KMT2C: variants seen among roughly 807,000 people sequenced by gnomAD.
KMT2C encodes the protein histone-lysine N-methyltransferase 2C.
KMT2C carries 88 observed loss-of-function variants against 507.9 expected under a neutral mutation model. The observed-to-expected ratio is 0.17, with a 90% confidence interval of 0.15 to 0.21. The LOEUF (loss-of-function observed/expected upper bound fraction) is 0.21, where lower values mean the gene tolerates loss of function less well. Among genes scored for constraint, KMT2C ranks in the 10% least tolerant of loss-of-function variants. KMT2C has a pLI of 1.00. For synonymous variants in KMT2C, 2,049 were observed against 2,080.8 expected (o/e 0.98, Z 0.42); for missense variants, 4,954 against 5,957.8 (o/e 0.83, Z 5.55).
intron 1 of KMT2C, among the ~76,000 whole-genome samples, chr7:152,433,096 C>CTCT (rs1428750035): frequency 6.7e-6 from 1 of 149,448 alleles, no homozygotes; most frequent in Non-Finnish European, 1.5e-5. Flanking sequence ...TGCGGTGAGC[C>CTCT]GAGATCATAC....
intron 1 of KMT2C, among the ~76,000 whole-genome samples, chr7:152,416,678 C>G (rs1380764111): frequency 6.7e-6 from 1 of 149,248 alleles, no homozygotes; most frequent in Non-Finnish European, 1.5e-5. Flanking sequence ...AAGCGGAGAT[C>G]ATGCCACTGC....
At chr7:152,150,073 T>C (rs1028139509) in intron 51 of KMT2C, among the ~76,000 whole-genome samples, 4 of 152,164 alleles carry the variant, frequency 2.6e-5, no homozygotes, top group African/African-American at 9.7e-5. Flanking sequence ...ACCAGAGCAA[T>C]AACCTGGATG....
intron 39 of KMT2C, among the ~76,000 whole-genome samples, chr7:152,171,587 T>C (rs751198709): frequency 6.6e-6 from 1 of 152,198 alleles, no homozygotes; most frequent in African/African-American, 2.4e-5. Flanking sequence ...TTCAGAGATA[T>C]TCCGTAACCT....
At chr7:152,231,250 A>T (rs1215959961) in intron 16 of KMT2C, among the ~76,000 whole-genome samples, 1 of 152,244 alleles carries the variant, frequency 6.6e-6, no homozygotes, top group Non-Finnish European at 1.5e-5. Context: ...TGACTAAATC[A>T]ACTAAGTACC....
At chr7:152,434,164 G>A (rs1275004576) in intron 1 of KMT2C, among the ~76,000 whole-genome samples, 1 of 152,082 alleles carries the variant, frequency 6.6e-6, no homozygotes, top group African/African-American at 2.4e-5. Context: ...ACAGAATAAG[G>A]GCATTTTATA....
chr7:152,402,946 T>A (rs943743322), intron 1 of KMT2C: 73 of 148,904 alleles, frequency 4.9e-4, no homozygotes, highest in Non-Finnish European at 7.3e-4. Context: ...CAAAGGACAT[T>A]AATAGACATT....
intron 23 of KMT2C, among the ~76,000 whole-genome samples, chr7:152,211,333 A>C (rs2094449192): frequency 6.6e-6 from 1 of 152,240 alleles, no homozygotes; most frequent in African/African-American, 2.4e-5. Flanking sequence ...TACCTTCCAC[A>C]CATTCTCTGT....
chr7:152,204,404 G>A (rs1420636815), intron 25 of KMT2C, among the ~76,000 whole-genome samples: 2 of 152,110 alleles, frequency 1.3e-5, no homozygotes, highest in African/African-American at 4.8e-5. Context: ...AGGCCAGCCT[G>A]GGCAACAAAG....
rs2129112615 is a variant in KMT2C, at chr7:152,176,214, G to A, written c.9239C>T (p.Ser3080Leu). Residue 3080 changes from serine to leucine, a missense_variant, in exon 38 of 59, where the codon TCA becomes TTA. This residue lies in a region of KMT2C where 1,689 missense variants were observed against 1,654.3 expected (regional missense o/e 1.02). Transcript: ENST00000262189. ...RQMQAMIRQR[S>L]EPFFPNIDFD... ...ACCAATATTAGGGAAGAACGGTTCT[G>A]ATCGCTGACGAATCATGGCTTGCAT... 1 of 1,610,250 alleles carries A rather than the reference G, an allele frequency of 6.2e-7. No homozygotes were observed. Among genetic ancestry groups the A allele is most frequent in the Admixed American group, 1.7e-5 (1 of 59,642 alleles).
At chr7:152,274,520 C>A (rs2096043944) in intron 6 of KMT2C, among the ~76,000 whole-genome samples, 1 of 152,178 alleles carries the variant, frequency 6.6e-6, no homozygotes, top group Non-Finnish European at 1.5e-5. Context: ...CAGAAATAAG[C>A]CCCAAACAAG....
intron 43 of KMT2C, among the ~76,000 whole-genome samples, chr7:152,160,123 T>C (rs938437452): frequency 6.6e-6 from 1 of 152,234 alleles, no homozygotes; most frequent in African/African-American, 2.4e-5. Context: ...AATTTGAATT[T>C]TGTATAATTT....
chr7:152,389,703 A>G (rs1308225422), intron 1 of KMT2C, among the ~76,000 whole-genome samples: 1 of 152,092 alleles, frequency 6.6e-6, no homozygotes, highest in Admixed American at 6.5e-5. Context: ...GGACTCCCAA[A>G]GTGCTGGGAT....
At chr7:152,287,651 G>GTCA in intron 6 of KMT2C, among the ~76,000 whole-genome samples, 1 of 152,206 alleles carries the variant, frequency 6.6e-6, no homozygotes, top group Non-Finnish European at 1.5e-5. Flanking sequence ...TGAAAATATA[G>GTCA]TCAAAAGGTG....
chr7:152,283,983 T>G (rs2096259209), intron 6 of KMT2C, among the ~76,000 whole-genome samples: 1 of 152,126 alleles, frequency 6.6e-6, no homozygotes, highest in African/African-American at 2.4e-5. Flanking sequence ...ACATTAAATT[T>G]CCTTATTGAT....
At chr7:152,261,132 C>T (rs201367604) in intron 9 of KMT2C, among the ~76,000 whole-genome samples, 1,891 of 116,876 alleles carry the variant, frequency 0.016, no homozygotes, top group African/African-American at 0.034. Flanking sequence ...CAAAAGAATC[C>T]AAAATAAAAA....
chr7:152,190,626 C>G (rs4725444), intron 31 of KMT2C, among the ~76,000 whole-genome samples: 21,568 of 151,902 alleles, frequency 0.14, 1,591 homozygotes, highest in South Asian at 0.19. Context: ...TCTACCCAAA[C>G]TAGTCATATT....
intron 2 of KMT2C, among the ~76,000 whole-genome samples, chr7:152,355,198 A>G (rs1310487398): frequency 2.6e-5 from 4 of 152,232 alleles, no homozygotes; most frequent in African/African-American, 9.6e-5. Context: ...ATGTGAAATC[A>G]AGAAAGACTC....
intron 2 of KMT2C, among the ~76,000 whole-genome samples, chr7:152,340,396 A>G (rs2129219111): frequency 6.6e-6 from 1 of 152,278 alleles, no homozygotes; most frequent in East Asian, 1.9e-4. Context: ...AACATAGCTA[A>G]GAAATTGTGT....
rs1563290947 is a variant in KMT2C, at chr7:152,182,122, C to G, written c.5738G>C (p.Ser1913Thr). ...TGCAGCAGAATTTCTTCTGGAAAAA[C>G]TATGGCCCACAGGAGGTGGTCGAGG... is the stretch of plus-strand genomic sequence containing the variant. ...GTPRPPPVGH[S>T]FSRRNSAAPV... The change falls in exon 36 of 59, where the codon AGT becomes ACT. Residue 1913 changes from serine to threonine, a missense_variant. Transcript: ENST00000262189. 1 of 1,614,170 alleles carries G rather than the reference C, an allele frequency of 6.2e-7. No individual in the cohort carries two copies. Among genetic ancestry groups the G allele is most frequent in the Non-Finnish European group, 8.5e-7 (1 of 1,180,032 alleles).
Sources: allele counts gnomAD v4.1 joint callset (sites outside exome capture counted in the v4.1 genomes callset), GRCh38; gene constraint gnomAD v4.1.1; regional missense constraint gnomAD v4.1.1; transcripts MANE v1.5; gene names NCBI Gene and HGNC (gene_info 2026-07-23, HGNC 2026-07-21).